LSM14A: variants seen among roughly 807,000 people sequenced by gnomAD.
LSM14A encodes the protein LSM14A mRNA processing body assembly factor, also known as protein LSM14 homolog A.
A neutral mutation model predicts 52.4 loss-of-function variants in LSM14A; 14 were observed. The observed-to-expected ratio is 0.27, with a 90% CI of 0.18 to 0.42. LSM14A has a LOEUF of 0.42. Ranked by LOEUF, LSM14A falls within the 10% of genes least tolerant of loss-of-function variation. The probability of loss-of-function intolerance (pLI) is 1.00; values close to 1 mark genes in which losing one functional copy is unlikely to be tolerated. For missense variants in LSM14A, 417 were observed against 581.8 expected, an observed-to-expected ratio of 0.72 and a Z score of 2.91; for synonymous variants, 185 against 200.3, an observed-to-expected ratio of 0.92 and a Z score of 0.64.
intron 1 of LSM14A, among the ~76,000 whole-genome samples, chr19:34,179,874 TATAAA>T (rs748112094): frequency 6.6e-5 from 10 of 152,226 alleles, no homozygotes; most frequent in Non-Finnish European, 1.2e-4. Context: ...CTCATGATGC[TATAAA>T]ATAATATATT....
chr19:34,220,345 A>G (rs1477682075), intron 8 of LSM14A, among the ~76,000 whole-genome samples: 1 of 152,188 alleles, frequency 6.6e-6, no homozygotes, highest in East Asian at 1.9e-4. Flanking sequence ...ATAACCATAT[A>G]CTTTTGTTTA....
chr19:34,183,820 G>T (rs896817461), intron 1 of LSM14A, among the ~76,000 whole-genome samples: 6 of 152,096 alleles, frequency 3.9e-5, no homozygotes, highest in Admixed American at 3.3e-4. Context: ...TAAGTTTTGG[G>T]TTATAAGTTT....
At chr19:34,218,676 A>G (rs1294844246) in intron 6 of LSM14A, among the ~76,000 whole-genome samples, 1 of 152,146 alleles carries the variant, frequency 6.6e-6, no homozygotes, top group Admixed American at 6.5e-5. Flanking sequence ...TTGGGTTCCC[A>G]CGTTTTTCAC....
chr19:34,221,945 A>G (rs1336728395), intron 9 of LSM14A: 2 of 697,864 alleles, frequency 2.9e-6, no homozygotes, highest in Admixed American at 6.3e-5. Context: ...CCTTTATTTC[A>G]TGTTAACAGA....
chr19:34,176,938 C>T (rs183019785), intron 1 of LSM14A, among the ~76,000 whole-genome samples: 1 of 152,232 alleles, frequency 6.6e-6, no homozygotes, highest in East Asian at 1.9e-4. Flanking sequence ...AACAACCGTA[C>T]GTGGTATCAT....
chr19:34,191,627 C>T (rs576744212), intron 1 of LSM14A, among the ~76,000 whole-genome samples: 90 of 152,078 alleles, frequency 5.9e-4, no homozygotes, highest in African/African-American at 2.1e-3. Flanking sequence ...CTTGCCAAAA[C>T]GTGAAATGCA....
rs575729572 is a variant in LSM14A, at chr19:34,202,859, G to A, written c.416-6070G>A. Among the ~76,000 whole-genome samples, 286 of 152,114 alleles carry A rather than the reference G, an allele frequency of 1.9e-3. 1 individual carries two copies. Among genetic ancestry groups the A allele is most frequent in the Admixed American group, 3.9e-3 (59 of 15,278 alleles). ...TTTTTAGTAGAGACGGGGTTTCACC[G>A]TGTTAGCCAGGATGGTCTCGATCTC... On this transcript the variant is annotated intron_variant, in intron 3 of 9. Coordinates refer to ENST00000544216, the MANE Select transcript of LSM14A (RefSeq NM_015578.4).
Position 34,172,693 on chromosome 19 carries a change from G to A in LSM14A, c.51G>A (p.Lys17=). ...YIGSKISLIS[K]AEIRYEGILY... is the part of the protein sequence containing the mutation. ...GCAGCAAGATCAGCCTCATCTCCAAGGCGGAGATCCGCTACGAGGGCATCC... is the reference window on the plus strand; with the variant it reads ...GCAGCAAGATCAGCCTCATCTCCAAAGCGGAGATCCGCTACGAGGGCATCC... The change falls in exon 1 of 10, where the codon AAG becomes AAA. Residue 17 remains lysine, a synonymous_variant. Transcript: ENST00000544216. 1 of 1,581,368 alleles carries A rather than the reference G, an allele frequency of 6.3e-7. No individual in the cohort carries two copies. The highest frequency in any genetic ancestry group is 8.6e-7 in the Non-Finnish European group (1 of 1,165,262).
At chr19:34,176,113 G>C (rs909059764) in intron 1 of LSM14A, among the ~76,000 whole-genome samples, 2 of 152,176 alleles carry the variant, frequency 1.3e-5, no homozygotes, top group Admixed American at 6.6e-5. Context: ...GCCTCCCAAA[G>C]TGCTGGGATT....
intron 1 of LSM14A, among the ~76,000 whole-genome samples, chr19:34,192,044 G>A (rs538991389): frequency 3.9e-5 from 6 of 152,158 alleles, no homozygotes; most frequent in Non-Finnish European, 7.4e-5. Flanking sequence ...GGATACTTAC[G>A]TATGGATTCT....
intron 1 of LSM14A, among the ~76,000 whole-genome samples, chr19:34,183,441 C>T (rs1372753732): frequency 6.6e-6 from 1 of 151,992 alleles, no homozygotes; most frequent in Non-Finnish European, 1.5e-5. Context: ...ATCCCAGCTA[C>T]TTGGGAAGCT....
chr19:34,172,789 G>A (rs1464915718), intron 1 of LSM14A, 26 bp downstream of exon 1: 5 of 1,555,892 alleles, frequency 3.2e-6, no homozygotes, highest in Non-Finnish European at 4.3e-6. Flanking sequence ...CCTCAGGGTG[G>A]GGGCCGAGCC....
At chr19:34,182,841 C>CAA (rs34045024) in intron 1 of LSM14A, among the ~76,000 whole-genome samples, 60,316 of 121,780 alleles carry the variant, frequency 0.5, 15,138 homozygotes, top group Non-Finnish European at 0.57. Flanking sequence ...GACTCCATCT[C>CAA]AAAAAAAAAA....
intron 3 of LSM14A, 152 bp from the exon 4 acceptor site, chr19:34,208,777 G>C: frequency 1.7e-6 from 1 of 604,956 alleles, no homozygotes; most frequent in Non-Finnish European, 2.8e-6. Flanking sequence ...AAACTATTCA[G>C]TACACTTTAA....
At chr19:34,178,346 G>A (rs576214040) in intron 1 of LSM14A, among the ~76,000 whole-genome samples, 14 of 152,274 alleles carry the variant, frequency 9.2e-5, no homozygotes, top group African/African-American at 3.1e-4. Context: ...AGTGAAACAG[G>A]TAAGTTTGAG....
At position 34,221,752 on chromosome 19, in the gene LSM14A, T is replaced by C. The variant is rs771000757; in HGVS notation, c.1368+14T>C. On this transcript the variant is annotated intron_variant, in intron 9 of 9. Coordinates refer to ENST00000544216, the MANE Select transcript of LSM14A (RefSeq NM_015578.4). ...TTTGAATATAGGGTAAGTGTTACTGTTAATAAATTCTTTGGGGTTGACATG... is the reference window on the plus strand; with the variant it reads ...TTTGAATATAGGGTAAGTGTTACTGCTAATAAATTCTTTGGGGTTGACATG... 2 of 1,586,916 alleles carry C rather than the reference T, an allele frequency of 1.3e-6. No homozygotes were observed. Among genetic ancestry groups the C allele is most frequent in the Admixed American group, 3.5e-5 (2 of 57,682 alleles).
At chr19:34,224,354 C>T (rs144475377) in intron 9 of LSM14A, among the ~76,000 whole-genome samples, 54 of 152,240 alleles carry the variant, frequency 3.5e-4, no homozygotes, top group South Asian at 8.3e-4. Flanking sequence ...AACAAACCTT[C>T]CATGCAGTAA....
intron 8 of LSM14A, among the ~76,000 whole-genome samples, chr19:34,220,628 C>T (rs906438118): frequency 6.6e-6 from 1 of 152,176 alleles, no homozygotes; most frequent in Admixed American, 6.5e-5. Context: ...TTGTCATTGT[C>T]CTTGTCCTTT....
chr19:34,197,153 A>AG (rs2070903030), intron 3 of LSM14A, among the ~76,000 whole-genome samples: 1 of 152,044 alleles, frequency 6.6e-6, no homozygotes, highest in African/African-American at 2.4e-5. Flanking sequence ...GTCCAGTGGC[A>AG]CTATCTTGGC....
Sources: allele counts gnomAD v4.1 joint callset (sites outside exome capture counted in the v4.1 genomes callset), GRCh38; gene constraint gnomAD v4.1.1; transcripts MANE v1.5; gene names NCBI Gene and HGNC (gene_info 2026-07-23, HGNC 2026-07-21).